Variants in THSD7B observed in about 807,000 individuals in gnomAD.
The protein encoded by THSD7B is thrombospondin type 1 domain containing 7B.
In THSD7B, 138 loss-of-function variants were observed where a neutral mutation model predicts 213.6. That is an observed-to-expected ratio of 0.65 (90% confidence interval 0.56 to 0.74). The LOEUF is 0.74. Ranked by LOEUF, THSD7B falls within the 30% of genes least tolerant of loss-of-function variation. The pLI is 0.00. For synonymous variants in THSD7B, 742 were observed against 687.0 expected (o/e 1.08, Z -1.25); for missense variants, 1,931 against 1,991.5 (o/e 0.97, Z 0.58).
chr2:137,085,739 T>C (rs1457689648), intron 3 of THSD7B, among the ~76,000 whole-genome samples: 3 of 151,972 alleles, frequency 2.0e-5, no homozygotes, highest in Non-Finnish European at 4.4e-5. Context: ...AAGTGTAAAA[T>C]TTTCTAAATG....
chr2:137,428,643 A>G lies in THSD7B; in HGVS notation c.2959+16771A>G, dbSNP rs574686966. Among the ~76,000 whole-genome samples the G allele has an allele frequency of 7.2e-5, 11 of 152,350 alleles. 1 individual carries two copies. The highest frequency in any genetic ancestry group is 7.2e-4 in the Admixed American group (11 of 15,298). ...GATGTACTAATACCAGCTACAACAT[A>G]GATGAATCTTGACCTCACTATACTA... On this transcript the variant is annotated intron_variant, in intron 14 of 27. Coordinates refer to ENST00000409968, the MANE Select transcript of THSD7B (RefSeq NM_001316349.2).
rs187459731 is a variant in THSD7B, at chr2:137,362,493, C to G, written c.2501-43120C>G. ...TGCGTTGTATTCAGGAGACCCATCT[C>G]ACATGCAGAGACACACATAGGCTCA... On this transcript the variant is annotated intron_variant, in intron 12 of 27. Coordinates refer to ENST00000409968, the MANE Select transcript of THSD7B (RefSeq NM_001316349.2). 8.4e-3 allele frequency among the ~76,000 whole-genome samples: 1,276 copies of G among 152,168 alleles called. 18 individuals are homozygous for G. Among genetic ancestry groups the G allele is most frequent in the African/African-American group, 0.028 (1,175 of 41,514 alleles).
chr2:137,312,354 C>A (rs1444694882), intron 12 of THSD7B, among the ~76,000 whole-genome samples: 1 of 151,200 alleles, frequency 6.6e-6, no homozygotes, highest in Non-Finnish European at 1.5e-5. Context: ...GTGGTGATAT[C>A]CCCTTTATCA....
At chr2:137,645,252 T>C (rs962580054) in intron 21 of THSD7B, among the ~76,000 whole-genome samples, 2 of 152,224 alleles carry the variant, frequency 1.3e-5, no homozygotes, top group African/African-American at 4.8e-5. Context: ...AGTATTATAA[T>C]TTTTATTAAA....
intron 5 of THSD7B, among the ~76,000 whole-genome samples, chr2:137,133,615 G>A (rs1688780560): frequency 6.6e-6 from 1 of 152,096 alleles, no homozygotes; most frequent in Non-Finnish European, 1.5e-5. Context: ...ATTTTGAGCA[G>A]CACTGTCCAG....
chr2:137,115,229 C>A lies in THSD7B; in HGVS notation c.1305C>A (p.Ile435=). Residue 435 remains isoleucine (I), a synonymous_variant, in exon 5 of 28, where the codon ATC becomes ATA. Coordinates refer to ENST00000409968, the MANE Select transcript of THSD7B (RefSeq NM_001316349.2). ...HVTGPVCGGG[I]QTREVYCAQS... is the part of the protein sequence containing the mutation. The stretch of plus-strand genomic sequence containing the variant: ...CGGGACCCGTGTGTGGCGGTGGGAT[C>A]CAGACCCGGGAGGTGTACTGTGCCC... The A allele has an allele frequency of 6.2e-7, 1 of 1,613,452 alleles. No individual in the cohort carries two copies. Among genetic ancestry groups the A allele is most frequent in the Non-Finnish European group, 8.5e-7 (1 of 1,179,658 alleles).
chr2:136,928,491 C>T (rs1684577524), intron 2 of THSD7B, among the ~76,000 whole-genome samples: 1 of 152,118 alleles, frequency 6.6e-6, no homozygotes, highest in Non-Finnish European at 1.5e-5. Flanking sequence ...ATCCAATGTA[C>T]AATTTTATGT....
At chr2:137,449,262 T>C (rs1460993873) in intron 14 of THSD7B, among the ~76,000 whole-genome samples, 1 of 152,190 alleles carries the variant, frequency 6.6e-6, no homozygotes, top group African/African-American at 2.4e-5. Flanking sequence ...TTTGTTTTAA[T>C]ATAAGGATTT....
At chr2:137,048,164 G>T (rs920602492) in intron 2 of THSD7B, among the ~76,000 whole-genome samples, 7 of 151,866 alleles carry the variant, frequency 4.6e-5, no homozygotes, top group African/African-American at 1.7e-4. Context: ...TTGTTTCATG[G>T]TTATATGGTC....
chr2:137,056,811 C>G lies in THSD7B; in HGVS notation c.531C>G (p.Pro177=). The G allele has an allele frequency of 1.2e-6, 2 of 1,613,928 alleles. No homozygotes were observed. The highest frequency in any genetic ancestry group is 1.1e-5 in the South Asian group (1 of 91,084). ...AACAGGCTTGCCTCATTCCTTGTCC[C>G]CGGGATTGTGTAGTATCTGAGTTCT... ...PTEQACLIPC[P]RDCVVSEFLP... Residue 177 remains proline (P), a synonymous_variant, in exon 3 of 28, where the codon CCC becomes CCG. Coordinates refer to ENST00000409968, the MANE Select transcript of THSD7B (RefSeq NM_001316349.2).
chr2:137,453,326 C>CTTTTTTTTT (rs70978223), intron 15 of THSD7B, among the ~76,000 whole-genome samples: 2 of 96,844 alleles, frequency 2.1e-5, no homozygotes, highest in African/African-American at 4.3e-5. Context: ...TTGAAATTTA[C>CTTTTTTTTT]TTTTTTTTTT....
chr2:137,332,106 C>T (rs1684526142), intron 12 of THSD7B, among the ~76,000 whole-genome samples: 1 of 152,076 alleles, frequency 6.6e-6, no homozygotes. Context: ...AAGTGGAAGC[C>T]CAGGCAGAGG....
chr2:137,220,401 C>T (rs35429475), intron 7 of THSD7B, among the ~76,000 whole-genome samples: 42,925 of 151,972 alleles, frequency 0.28, 6,889 homozygotes, highest in East Asian at 0.48. Flanking sequence ...CAAAGATATA[C>T]GGATGGCAAA....
chr2:137,315,734 C>A (rs548575315), intron 12 of THSD7B, among the ~76,000 whole-genome samples: 1 of 152,194 alleles, frequency 6.6e-6, no homozygotes, highest in East Asian at 1.9e-4. Flanking sequence ...AGGGGAATTG[C>A]AGTAGAGATA....
At chr2:137,518,758 G>A (rs1174225557) in intron 15 of THSD7B, among the ~76,000 whole-genome samples, 2 of 152,178 alleles carry the variant, frequency 1.3e-5, no homozygotes, top group Non-Finnish European at 2.9e-5. Context: ...CATGGGCTCA[G>A]CAACGTGGAC....
In THSD7B at chr2:137,246,249, A is replaced by G. The variant is rs1002558381; in HGVS notation, c.2266+3677A>G. Among the ~76,000 whole-genome samples, 27 of 152,342 alleles carry G rather than the reference A, an allele frequency of 1.8e-4. 1 individual carries two copies. Among genetic ancestry groups the G allele is most frequent in the Admixed American group, 1.4e-3 (21 of 15,290 alleles). ...TTTTTTGTTTTGTGGCTATGGCTTC[A>G]GGTTGGGTCATCAAAGTTGAGAAGC... On this transcript the variant is annotated intron_variant, in intron 10 of 27. Transcript: ENST00000409968.
intron 2 of THSD7B, among the ~76,000 whole-genome samples, chr2:137,046,035 A>G (rs1007065173): frequency 5.9e-5 from 9 of 152,194 alleles, no homozygotes; most frequent in Admixed American, 5.9e-4. Context: ...TTTTGGAAAA[A>G]TCATCAACCC....
chr2:136,835,404 T>C (rs1270016612), intron 1 of THSD7B, among the ~76,000 whole-genome samples: 1 of 152,196 alleles, frequency 6.6e-6, no homozygotes, highest in African/African-American at 2.4e-5. Context: ...TCATAGGAGA[T>C]GTTATGGAGT....
chr2:137,224,220 A>G (rs1681446437), intron 7 of THSD7B, among the ~76,000 whole-genome samples: 1 of 152,202 alleles, frequency 6.6e-6, no homozygotes, highest in African/African-American at 2.4e-5. Flanking sequence ...ATAGTACAGA[A>G]TTCGTTTACT....
Sources: gnomAD v4.1 joint callset for allele counts (sites outside exome capture counted in the v4.1 genomes callset) on GRCh38, gnomAD v4.1.1 for gene constraint, MANE v1.5 for transcripts, NCBI Gene and HGNC (gene_info 2026-07-23, HGNC 2026-07-21) for gene names.